The following NSUN7 variants were observed in gnomAD, a reference collection of about 807,000 sequenced individuals.
The protein encoded by NSUN7 is NOP2/Sun RNA methyltransferase family member 7, also known as protein NSUN7.
A neutral mutation model predicts 58.5 loss-of-function variants in NSUN7; 39 were observed. The observed-to-expected ratio is 0.67, with a 90% CI of 0.52 to 0.87. The LOEUF is 0.87. Ranked by LOEUF, NSUN7 falls within the 40% of genes least tolerant of loss-of-function variation. The probability of loss-of-function intolerance (pLI) is 0.00; values close to 1 mark genes in which losing one functional copy is unlikely to be tolerated. For missense variants in NSUN7, 765 were observed against 844.1 expected, an observed-to-expected ratio of 0.91 and a Z score of 1.16; for synonymous variants, 278 against 303.7, an observed-to-expected ratio of 0.92 and a Z score of 0.88.
intron 9 of NSUN7, 68 bp downstream of exon 9, chr4:40,794,544 A>T: frequency 1.1e-6 from 1 of 909,478 alleles, no homozygotes; most frequent in Non-Finnish European, 1.7e-6. Flanking sequence ...GTCTTTCACG[A>T]TCTATTATAA....
At chr4:40,772,906 T>C (rs1742080408) in intron 4 of NSUN7, 1 of 152,230 alleles carries the variant, frequency 6.6e-6, no homozygotes, top group African/African-American at 2.4e-5. Context: ...GTTAGATTTC[T>C]ACTGTGAAAA....
intron 7 of NSUN7, chr4:40,786,347 A>G: frequency 6.2e-7 from 1 of 1,612,158 alleles, no homozygotes; most frequent in South Asian, 1.1e-5. Flanking sequence ...GTAGGTGGTC[A>G]GGAGAAATTA....
chr4:40,782,064 T>G (rs1210755831), intron 7 of NSUN7, among the ~76,000 whole-genome samples: 1 of 152,042 alleles, frequency 6.6e-6, no homozygotes, highest in Non-Finnish European at 1.5e-5. Flanking sequence ...TCCAAAGGAA[T>G]CAATGAATAA....
chr4:40,791,041 T>G (rs1743053513), intron 8 of NSUN7, among the ~76,000 whole-genome samples: 1 of 152,154 alleles, frequency 6.6e-6, no homozygotes, highest in African/African-American at 2.4e-5. Flanking sequence ...ATGTAAGTGT[T>G]AAAATTTACC....
rs1419265333 is a variant in NSUN7, at chr4:40,751,006, T to C, written c.298+15T>C. ...TGCCCTGAAATGTGAGTTGTGCCAG[T>C]CTGGAAGATCAACACTAAAAGAAAA... is the stretch of plus-strand genomic sequence containing the variant. On this transcript the variant is annotated intron_variant, in intron 2 of 11. Transcript: ENST00000381782. 1.9e-6 allele frequency: 3 copies of C among 1,609,024 alleles called. No homozygotes were observed. The African/African-American group carries it at 4.0e-5, about 22-fold the overall frequency.
rs1174468576 is a variant in NSUN7 at position 40,775,754 on chromosome 4, G to A, written c.826-295G>A. ...TTTTTGTGAAGGGGTAAGAATGGGA[G>A]TTAAGATAGGACATCATTAATCTGT... On this transcript the variant is annotated intron_variant, in intron 6 of 11. Coordinates refer to ENST00000381782, the MANE Select transcript of NSUN7 (RefSeq NM_024677.6). The surrounding 1 kb of genome is among the most constrained non-coding windows in gnomAD (Gnocchi z 4.3). Among the ~76,000 whole-genome samples the A allele has an allele frequency of 1.3e-5, 2 of 152,174 alleles. No individual in the cohort carries two copies. Among genetic ancestry groups the A allele is most frequent in the African/African-American group, 2.4e-5 (1 of 41,450 alleles).
chr4:40,780,353 A>T (rs972515580), intron 7 of NSUN7, among the ~76,000 whole-genome samples: 1 of 152,194 alleles, frequency 6.6e-6, no homozygotes, highest in Non-Finnish European at 1.5e-5. Flanking sequence ...CTGTAATTCC[A>T]TTCCAGCACT....
At chr4:40,802,645 T>TTTG (rs1245681425) in intron 10 of NSUN7, among the ~76,000 whole-genome samples, 27 of 111,506 alleles carry the variant, frequency 2.4e-4, no homozygotes, top group East Asian at 1.6e-3. Context: ...TTGTTTGTTT[T>TTTG]TTTGTATCAC....
chr4:40,808,380 T>C lies in NSUN7; in HGVS notation c.1598T>C (p.Ile533Thr), dbSNP rs199940219. ...GCAGCCAAGGGTCTGCTGGATGGGA[T>C]TGAGTTGGGTAAATCATCAAAACGG... ...RAAAKGLLDG[I>T]ELGKSSKREK... Residue 533 changes from isoleucine to threonine, a missense_variant, in exon 12 of 12, where the codon ATT (isoleucine) becomes ACT (threonine). Ile to Thr is a moderately conservative substitution (Grantham distance 89). Coordinates refer to ENST00000381782, the MANE Select transcript of NSUN7 (RefSeq NM_024677.6). 6.1e-5 allele frequency: 99 copies of C among 1,614,058 alleles called. 1 individual carries two copies. The African/African-American group carries it at 8.5e-4, about 14-fold the overall frequency.
At chr4:40,753,433 C>G (rs1480607751) in intron 2 of NSUN7, among the ~76,000 whole-genome samples, 2 of 152,058 alleles carry the variant, frequency 1.3e-5, no homozygotes, top group Non-Finnish European at 2.9e-5. Context: ...GCCACCACGC[C>G]TGGCTAATTT....
intron 4 of NSUN7, among the ~76,000 whole-genome samples, chr4:40,763,022 T>C (rs926193396): frequency 6.6e-6 from 1 of 152,102 alleles, no homozygotes; most frequent in African/African-American, 2.4e-5. Flanking sequence ...TGGTCCCTGG[T>C]ACCAAAAAGG....
intron 10 of NSUN7, among the ~76,000 whole-genome samples, chr4:40,804,443 A>G (rs1743732752): frequency 6.6e-6 from 1 of 152,136 alleles, no homozygotes; most frequent in Non-Finnish European, 1.5e-5. Flanking sequence ...CATCTCAAAA[A>G]AAAAAAAAAA....
At chr4:40,807,867 T>A (rs1267607188) in intron 11 of NSUN7, among the ~76,000 whole-genome samples, 1 of 151,950 alleles carries the variant, frequency 6.6e-6, no homozygotes, top group Non-Finnish European at 1.5e-5. Context: ...CATGGTTCAC[T>A]CCATCTCTAC....
At chr4:40,763,358 C>T (rs957616183) in intron 4 of NSUN7, among the ~76,000 whole-genome samples, 1 of 151,356 alleles carries the variant, frequency 6.6e-6, no homozygotes, top group Non-Finnish European at 1.5e-5. Context: ...TTGCTAGTAC[C>T]AGTATTAGGC....
Position 40,810,561 on chromosome 4 carries a change from G to C in NSUN7, c.*1622G>C, listed in dbSNP as rs367794027. The stretch of plus-strand genomic sequence containing the variant: ...CCACTGCACTCCAGCCTGGGAAGCA[G>C]AGTGAGACCTTGCCTCAAAAAAAAA... On this transcript the variant is annotated 3_prime_UTR_variant, in exon 12 of 12. Transcript: ENST00000381782. 3.2e-5 allele frequency: 4 copies of C among 123,288 alleles called. No individual in the cohort carries two copies. The highest frequency in any genetic ancestry group is 9.4e-5 in the African/African-American group (3 of 32,008). 7.6% of individuals were successfully genotyped at this position (123,288 alleles called of 1,614,324 possible).
chr4:40,780,422 A>G (rs1321085745), intron 7 of NSUN7, among the ~76,000 whole-genome samples: 1 of 152,112 alleles, frequency 6.6e-6, no homozygotes, highest in Non-Finnish European at 1.5e-5. Context: ...AGCCTGGGCA[A>G]CATGGTGAAA....
chr4:40,806,196 T>C (rs1560566440), intron 10 of NSUN7, among the ~76,000 whole-genome samples: 1 of 152,098 alleles, frequency 6.6e-6, no homozygotes, highest in Non-Finnish European at 1.5e-5. Flanking sequence ...GGTTTCACCA[T>C]GTTGGCCAGG....
At chr4:40,796,156 C>A (rs1307779866) in intron 9 of NSUN7, among the ~76,000 whole-genome samples, 1 of 152,124 alleles carries the variant, frequency 6.6e-6, no homozygotes, top group East Asian at 1.9e-4. Context: ...TCACTTGAGG[C>A]CAGCCTGGAC....
At chr4:40,753,406 G>C (rs1431074244) in intron 2 of NSUN7, among the ~76,000 whole-genome samples, 1 of 151,574 alleles carries the variant, frequency 6.6e-6, no homozygotes, top group Non-Finnish European at 1.5e-5. Flanking sequence ...CTCCCAAGTA[G>C]CTCCCAAGTG....
Sources: allele counts gnomAD v4.1 joint callset (sites outside exome capture counted in the v4.1 genomes callset), GRCh38; gene constraint gnomAD v4.1.1; non-coding constraint Gnocchi (gnomAD v3.1); transcripts MANE v1.5; gene names NCBI Gene and HGNC (gene_info 2026-07-23, HGNC 2026-07-21).